HIP1: variants seen among roughly 807,000 people sequenced by gnomAD.
The protein encoded by HIP1 is huntingtin-interacting protein 1.
A neutral mutation model predicts 147.6 loss-of-function variants in HIP1; 65 were observed. That is an observed-to-expected ratio of 0.44 (90% confidence interval 0.36 to 0.54). The LOEUF is 0.54. HIP1 is among the 20% of genes least tolerant of loss of function. HIP1 has a pLI of 0.00. For synonymous variants in HIP1, 479 were observed against 504.0 expected (o/e 0.95, Z 0.67); for missense variants, 1,061 against 1,299.6 (o/e 0.82, Z 2.82).
rs147177722 is a variant in HIP1 at position 75,624,036 on chromosome 7, G to A, written c.121-24789C>T. On this transcript the variant is annotated intron_variant, in intron 1 of 30. Transcript: ENST00000336926. ...GTCAACGCTGCAGTGAGCTATGATC[G>A]TGCCACTGCACTCCGGCCTGGGAGA... Among the ~76,000 whole-genome samples the A allele has an allele frequency of 1.4e-4, 21 of 152,258 alleles. No homozygotes were observed. In the East Asian group the frequency reaches 2.5e-3, roughly 18 times the overall value.
rs557497282 is a variant in HIP1 at position 75,702,089 on chromosome 7, C to T, written c.120+36712G>A. Among the ~76,000 whole-genome samples, 103 of 151,146 alleles carry T rather than the reference C, an allele frequency of 6.8e-4. 1 individual carries two copies. Among genetic ancestry groups the T allele is most frequent in the African/African-American group, 2.4e-3 (98 of 41,384 alleles). On this transcript the variant is annotated intron_variant, in intron 1 of 30. Transcript: ENST00000336926. ...GGACTACAGGTGCCTGCCACCATAC[C>T]CAGCTAATTTTTGTATTTTTTTCTT...
chr7:75,616,445 T>A (rs112085890), intron 1 of HIP1, among the ~76,000 whole-genome samples: 1,870 of 151,592 alleles, frequency 0.012, 38 homozygotes, highest in African/African-American at 0.042. Flanking sequence ...AATTAAAAAA[T>A]TTTTTTTTGT....
chr7:75,640,752 C>CAATAATAATAAT (rs139850457), intron 1 of HIP1, among the ~76,000 whole-genome samples: 13 of 85,024 alleles, frequency 1.5e-4, no homozygotes, highest in South Asian at 3.4e-4. Context: ...GACTCCATCT[C>CAATAATAATAAT]AATAATAATA....
chr7:75,542,970 T>G lies in HIP1; in HGVS notation c.2771A>C (p.Lys924Thr). 1 of 1,612,774 alleles carries G rather than the reference T, an allele frequency of 6.2e-7. No homozygotes were observed. The highest frequency in any genetic ancestry group is 8.5e-7 in the Non-Finnish European group (1 of 1,179,386). The change falls in exon 28 of 31, where the codon AAA becomes ACA. Residue 924 changes from lysine (K) to threonine (T), a missense_variant. By Grantham distance (78) the Lys-to-Thr change is moderately conservative. Around this residue, in one of 3 missense-constraint regions of HIP1, gnomAD observed 810 missense variants for 946.8 expected, o/e 0.86. Coordinates refer to ENST00000336926, the MANE Select transcript of HIP1 (RefSeq NM_005338.7). ...TAGGTTGGGGCTGTCCTTATCAGCT[T>G]TCACCTACCAGGACAAAGCAGATTT... ...TAQLVAASKV[K>T]ADKDSPNLAQ...
intron 1 of HIP1, among the ~76,000 whole-genome samples, chr7:75,633,602 T>C (rs1364647007): frequency 6.6e-6 from 1 of 152,136 alleles, no homozygotes; most frequent in Non-Finnish European, 1.5e-5. Flanking sequence ...CCTATTTCAC[T>C]CTTTCATATG....
intron 1 of HIP1, among the ~76,000 whole-genome samples, chr7:75,685,896 TTTG>T (rs1185726216): frequency 6.6e-6 from 1 of 151,784 alleles, no homozygotes; most frequent in Non-Finnish European, 1.5e-5. Context: ...GTGGCCTTTT[TTTG>T]TTGTTGTTGT....
At chr7:75,620,368 A>G (rs369837665) in intron 1 of HIP1, among the ~76,000 whole-genome samples, 1 of 147,052 alleles carries the variant, frequency 6.8e-6, no homozygotes, top group African/African-American at 2.6e-5. Flanking sequence ...CCTGGGCAAC[A>G]GAGCAAGACC....
intron 1 of HIP1, among the ~76,000 whole-genome samples, chr7:75,735,870 T>C (rs144739025): frequency 0.011 from 1,662 of 152,038 alleles, 35 homozygotes; most frequent in African/African-American, 0.038. Context: ...TTATTTTTTG[T>C]AGAGATGGGG....
intron 2 of HIP1, among the ~76,000 whole-genome samples, chr7:75,598,698 A>T (rs1200994602): frequency 6.6e-6 from 1 of 152,080 alleles, no homozygotes; most frequent in Admixed American, 6.6e-5. Context: ...GGATTGCTTG[A>T]GGCCAGCTTG....
chr7:75,642,088 C>A (rs1554510571), intron 1 of HIP1, among the ~76,000 whole-genome samples: 1 of 152,068 alleles, frequency 6.6e-6, no homozygotes, highest in African/African-American at 2.4e-5. Flanking sequence ...GCCAGCCCAT[C>A]CCAAATAGAA....
chr7:75,569,267 T>C (rs1795523205), intron 8 of HIP1, among the ~76,000 whole-genome samples: 1 of 152,168 alleles, frequency 6.6e-6, no homozygotes. Context: ...ATACATTCAC[T>C]GGATAAAATC....
chr7:75,570,981 G>C (rs1795607524), intron 8 of HIP1, among the ~76,000 whole-genome samples: 1 of 152,076 alleles, frequency 6.6e-6, no homozygotes, highest in Non-Finnish European at 1.5e-5. Flanking sequence ...CTGCACTCCA[G>C]CCTGGGCAAC....
At chr7:75,737,405 G>A (rs1459687723) in intron 1 of HIP1, among the ~76,000 whole-genome samples, 5 of 151,946 alleles carry the variant, frequency 3.3e-5, no homozygotes, top group Non-Finnish European at 5.9e-5. Context: ...GTGCAGTGGC[G>A]CCATCTCGGC....
At chr7:75,725,684 G>A (rs1801628764) in intron 1 of HIP1, among the ~76,000 whole-genome samples, 1 of 152,182 alleles carries the variant, frequency 6.6e-6, no homozygotes. Flanking sequence ...TTTCATGGGT[G>A]TATAGTATTC....
At chr7:75,553,639 C>T (rs781848490) in intron 21 of HIP1, 50 bp from the exon 22 acceptor site, 1 of 1,572,740 alleles carries the variant, frequency 6.4e-7, no homozygotes, top group Non-Finnish European at 8.7e-7. Flanking sequence ...GAGTCTCGCT[C>T]TTGTTGCCCA....
At position 75,653,890 on chromosome 7, in the gene HIP1, T is replaced by C. The variant is rs189042967; in HGVS notation, c.121-54643A>G. Among the ~76,000 whole-genome samples the C allele has an allele frequency of 2.5e-3, 376 of 152,270 alleles. 1 individual carries two copies. Among genetic ancestry groups the C allele is most frequent in the Admixed American group, 0.011 (168 of 15,288 alleles). On this transcript the variant is annotated intron_variant, in intron 1 of 30. Coordinates refer to ENST00000336926, the MANE Select transcript of HIP1 (RefSeq NM_005338.7). ...AGACACTCAGTTAGTACTTGCTGAATGTGTGAGTGAATGCATGCAAGAAAT... is the reference window on the plus strand; with the variant it reads ...AGACACTCAGTTAGTACTTGCTGAACGTGTGAGTGAATGCATGCAAGAAAT...
intron 1 of HIP1, among the ~76,000 whole-genome samples, chr7:75,651,336 A>G (rs1798975699): frequency 1.3e-5 from 2 of 151,582 alleles, no homozygotes; most frequent in Non-Finnish European, 2.9e-5. Context: ...GTGGGCACCT[A>G]TAGTCCCAGC....
At chr7:75,620,940 G>A (rs1025737028) in intron 1 of HIP1, among the ~76,000 whole-genome samples, 3 of 152,014 alleles carry the variant, frequency 2.0e-5, no homozygotes, top group Non-Finnish European at 4.4e-5. Context: ...AGACTTTAAA[G>A]TGACGAGAGG....
At chr7:75,698,188 C>T (rs1800700506) in intron 1 of HIP1, among the ~76,000 whole-genome samples, 1 of 152,072 alleles carries the variant, frequency 6.6e-6, no homozygotes, top group South Asian at 2.1e-4. Context: ...ATCCTTTTTC[C>T]TATTTTCTAT....
Sources: gnomAD v4.1 joint callset for allele counts (sites outside exome capture counted in the v4.1 genomes callset) on GRCh38, gnomAD v4.1.1 for gene constraint, gnomAD v4.1.1 regional missense constraint, MANE v1.5 for transcripts, NCBI Gene and HGNC (gene_info 2026-07-23, HGNC 2026-07-21) for gene names.